The following TSPAN5 variants were observed in gnomAD, a reference collection of about 807,000 sequenced individuals.
TSPAN5 encodes the protein tetraspanin-5.
Under a neutral mutation model 37.1 loss-of-function variants are expected in TSPAN5, and 10 were observed. The observed-to-expected ratio is 0.27, with a 90% CI of 0.17 to 0.46. The LOEUF is 0.46. TSPAN5 is among the 20% of genes least tolerant of loss of function. The pLI is 1.00. For synonymous variants in TSPAN5, 110 were observed against 118.9 expected, an observed-to-expected ratio of 0.93 and a Z score of 0.48; for missense variants, 195 against 326.6, an observed-to-expected ratio of 0.60 and a Z score of 3.11.
chr4:98,482,121 C>T lies in TSPAN5; in HGVS notation c.334G>A (p.Ala112Thr). 1 of 1,614,134 alleles carries T rather than the reference C, an allele frequency of 6.2e-7. No homozygotes were observed. The highest frequency in any genetic ancestry group is 8.5e-7 in the Non-Finnish European group (1 of 1,179,994). ...TTGATCCAGTCTTTGAAAACAAATGCTAGAACTCCGGCAGTGAGCTCCAGG... is the reference window on the plus strand; with the variant it reads ...TTGATCCAGTCTTTGAAAACAAATGTTAGAACTCCGGCAGTGAGCTCCAGG... ...FFLELTAGVL[A>T]FVFKDWIKDQ... The change falls in exon 4 of 8, where the codon GCA (alanine) becomes ACA (threonine). Residue 112 changes from alanine (A) to threonine (T), a missense_variant. By Grantham distance (58) the Ala-to-Thr change is moderately conservative. Transcript: ENST00000305798.
At chr4:98,639,045 C>T (rs1756912256) in intron 1 of TSPAN5, among the ~76,000 whole-genome samples, 1 of 152,184 alleles carries the variant, frequency 6.6e-6, no homozygotes, top group South Asian at 2.1e-4. Flanking sequence ...GCAAACACAA[C>T]ACGAAGAAAT....
At chr4:98,615,483 C>T (rs752000575) in intron 1 of TSPAN5, among the ~76,000 whole-genome samples, 6 of 152,226 alleles carry the variant, frequency 3.9e-5, no homozygotes, top group Admixed American at 6.5e-5. Context: ...CAGAGATTTC[C>T]GAACAATGCT....
rs201644737 is a variant in TSPAN5, at chr4:98,486,434, A to AAT, written c.279+302_279+303dup. On this transcript the variant is annotated intron_variant, in intron 3 of 7. Transcript: ENST00000305798. The stretch of plus-strand genomic sequence containing the variant: ...GGTGGGAAGGAATCACTTAGAAGAA[A>AAT]ATATATATATATACCTACCTTAGTC... The AAT allele has an allele frequency of 7.4e-4, 185 of 248,656 alleles. 1 individual carries two copies. The East Asian group carries it at 7.9e-3, about 11-fold the overall frequency. 15.4% of individuals were successfully genotyped at this position (248,656 alleles called of 1,614,324 possible).
intron 1 of TSPAN5, among the ~76,000 whole-genome samples, chr4:98,624,011 T>C (rs144301888): frequency 5.8e-4 from 89 of 152,322 alleles, no homozygotes; most frequent in African/African-American, 2.1e-3. Flanking sequence ...CTTCTTTTGC[T>C]TTATATGAAA....
chr4:98,557,280 A>G (rs998628993), intron 1 of TSPAN5, among the ~76,000 whole-genome samples: 3 of 152,238 alleles, frequency 2.0e-5, no homozygotes, highest in African/African-American at 7.2e-5. Flanking sequence ...AAATCAACTG[A>G]AGCAGAAGAA....
intron 2 of TSPAN5, among the ~76,000 whole-genome samples, chr4:98,502,525 C>A (rs1753376972): frequency 6.6e-6 from 1 of 152,094 alleles, no homozygotes. Flanking sequence ...ATGCCTTAGT[C>A]CTTGCTTTGC....
At chr4:98,552,020 G>T (rs1754630324) in intron 1 of TSPAN5, among the ~76,000 whole-genome samples, 1 of 152,046 alleles carries the variant, frequency 6.6e-6, no homozygotes, top group South Asian at 2.1e-4. Context: ...AGTCTCTGAT[G>T]ATCTTATATT....
At chr4:98,519,943 G>A (rs1753818589) in intron 1 of TSPAN5, among the ~76,000 whole-genome samples, 1 of 152,160 alleles carries the variant, frequency 6.6e-6, no homozygotes, top group South Asian at 2.1e-4. Context: ...GGGTCATTGG[G>A]AAGACTAAAT....
At chr4:98,616,409 G>A (rs1419910424) in intron 1 of TSPAN5, among the ~76,000 whole-genome samples, 1 of 152,086 alleles carries the variant, frequency 6.6e-6, no homozygotes, top group Non-Finnish European at 1.5e-5. Flanking sequence ...AGAAATATGG[G>A]TGACGGCATT....
intron 1 of TSPAN5, among the ~76,000 whole-genome samples, chr4:98,612,678 T>C (rs1455276143): frequency 6.6e-6 from 1 of 152,056 alleles, no homozygotes; most frequent in African/African-American, 2.4e-5. Context: ...AGGAGCACCA[T>C]CCTCTCCCGC....
At chr4:98,501,296 C>A (rs1024648020) in intron 2 of TSPAN5, among the ~76,000 whole-genome samples, 10 of 152,146 alleles carry the variant, frequency 6.6e-5, no homozygotes, top group Admixed American at 6.5e-4. Flanking sequence ...ATATAGTATG[C>A]TTACTGGAGA....
intron 1 of TSPAN5, among the ~76,000 whole-genome samples, chr4:98,556,261 T>A (rs13134231): frequency 0.59 from 89,661 of 151,950 alleles, 26,955 homozygotes; most frequent in South Asian, 0.76. Flanking sequence ...GGATGACCCA[T>A]GCTTTCCTGT....
intron 2 of TSPAN5, among the ~76,000 whole-genome samples, chr4:98,498,141 C>A (rs1753257320): frequency 1.3e-5 from 2 of 152,170 alleles, no homozygotes; most frequent in African/African-American, 4.8e-5. Context: ...CAGCCAGGCA[C>A]TGGGCTACCT....
intron 7 of TSPAN5, among the ~76,000 whole-genome samples, chr4:98,475,632 T>A (rs1752673685): frequency 6.6e-6 from 1 of 152,170 alleles, no homozygotes; most frequent in African/African-American, 2.4e-5. Context: ...GTCTCCATCT[T>A]AGAAAAAGAC....
intron 1 of TSPAN5, among the ~76,000 whole-genome samples, chr4:98,621,228 A>G (rs1447935291): frequency 2.0e-5 from 3 of 152,112 alleles, no homozygotes; most frequent in African/African-American, 7.2e-5. Flanking sequence ...CCCTACAACC[A>G]TCAGTAGAAA....
intron 1 of TSPAN5, among the ~76,000 whole-genome samples, chr4:98,628,389 A>T (rs562412683): frequency 1.3e-5 from 2 of 152,364 alleles, no homozygotes; most frequent in South Asian, 4.1e-4. Flanking sequence ...CAACAGGAGC[A>T]TCTATAGATT....
intron 1 of TSPAN5, among the ~76,000 whole-genome samples, chr4:98,611,772 T>A (rs971639415): frequency 5.3e-5 from 8 of 152,254 alleles, no homozygotes; most frequent in Non-Finnish European, 8.8e-5. Flanking sequence ...CCAGCCCTTT[T>A]GGCACCTCTG....
At chr4:98,634,215 A>C (rs940708350) in intron 1 of TSPAN5, among the ~76,000 whole-genome samples, 2 of 152,224 alleles carry the variant, frequency 1.3e-5, no homozygotes, top group Non-Finnish European at 2.9e-5. Context: ...ACAAGCAGGC[A>C]AATATACATG....
chr4:98,538,811 T>C (rs1441981461), intron 1 of TSPAN5, among the ~76,000 whole-genome samples: 1 of 152,244 alleles, frequency 6.6e-6, no homozygotes, highest in Non-Finnish European at 1.5e-5. Flanking sequence ...TTTTCACTGA[T>C]AAATTTCCTT....
Sources: allele counts gnomAD v4.1 joint callset (sites outside exome capture counted in the v4.1 genomes callset), GRCh38; gene constraint gnomAD v4.1.1; transcripts MANE v1.5; gene names NCBI Gene and HGNC (gene_info 2026-07-23, HGNC 2026-07-21).